SAFB2: variants seen among roughly 807,000 people sequenced by gnomAD.
SAFB2 encodes the protein scaffold attachment factor B2.
SAFB2 carries 32 observed loss-of-function variants against 100.6 expected under a neutral mutation model. That is an observed-to-expected ratio of 0.32 (90% CI 0.24 to 0.43). SAFB2 has a LOEUF of 0.43. Ranked by LOEUF, SAFB2 falls within the 20% of genes least tolerant of loss-of-function variation. The pLI is 1.00. For synonymous variants in SAFB2, 500 were observed against 439.4 expected, an observed-to-expected ratio of 1.14 and a Z score of -1.72; for missense variants, 1,185 against 1,163.4, an observed-to-expected ratio of 1.02 and a Z score of -0.27.
rs752444798 is a variant in SAFB2, at chr19:5,613,418, C to T, written c.606+47G>A. On this transcript the variant is annotated intron_variant, in intron 5 of 20. Transcript: ENST00000252542. Reference sequence around the variant, plus strand: ...CTGCTCTTTCATTATGGAAAATCAACCACTCGATTAACATTTCCAGCGATG... The same window carrying T: ...CTGCTCTTTCATTATGGAAAATCAATCACTCGATTAACATTTCCAGCGATG... 8 of 1,507,768 alleles carry T rather than the reference C, an allele frequency of 5.3e-6. No homozygotes were observed. The South Asian group carries it at 9.2e-5, about 17-fold the overall frequency. 93.4% of individuals were successfully genotyped at this position (1,507,768 alleles called of 1,614,324 possible). A position where few individuals can be genotyped will look rare whatever the true frequency, so the allele number is the denominator to read the frequency against.
At chr19:5,597,813 T>TA (rs1337341731) in intron 13 of SAFB2, among the ~76,000 whole-genome samples, 4 of 152,250 alleles carry the variant, frequency 2.6e-5, no homozygotes, top group Non-Finnish European at 5.9e-5. Context: ...TGATACTTTA[T>TA]AAAATCCAAA....
intron 1 of SAFB2, 59 bp from the exon 2 acceptor site, chr19:5,621,455 C>T (rs1261643567): frequency 9.2e-7 from 1 of 1,089,142 alleles, no homozygotes; most frequent in Non-Finnish European, 1.4e-6. Context: ...CACACTGTTC[C>T]TTACAAGTAA....
intron 15 of SAFB2, 98 bp from the exon 16 acceptor site, chr19:5,592,985 G>C: frequency 9.1e-7 from 1 of 1,100,430 alleles, no homozygotes; most frequent in South Asian, 1.4e-5. Flanking sequence ...TCTCTCCCCA[G>C]ACCCAGTATC....
chr19:5,617,503 C>T (rs1235791467), intron 2 of SAFB2, among the ~76,000 whole-genome samples: 1 of 152,146 alleles, frequency 6.6e-6, no homozygotes, highest in Non-Finnish European at 1.5e-5. Context: ...GGATATCTGA[C>T]AAGGAGTTCA....
In SAFB2 at chr19:5,604,902, C is replaced by A; in HGVS notation, c.1331G>T (p.Ser444Ile). 7 of 1,613,830 alleles carry A rather than the reference C, an allele frequency of 4.3e-6. No individual in the cohort carries two copies. The highest frequency in any genetic ancestry group is 5.9e-6 in the Non-Finnish European group (7 of 1,180,036). The change falls in exon 10 of 21, where the codon AGC becomes ATC. Residue 444 changes from serine (S) to isoleucine (I), a missense_variant. Ser to Ile is a moderately radical substitution (Grantham distance 142). Transcript: ENST00000252542. ...GAATCCATAGCATCGAGCCCCCGGG[C>A]TGCGGGCGTTCGTTACCACTTTGGC... ...VGAKVVTNARSPGARCYGFVT... is the reference protein window; with the variant it reads ...VGAKVVTNARIPGARCYGFVT...
chr19:5,588,062 A>G (rs2052302419), intron 18 of SAFB2, 82 bp from the exon 19 acceptor site: 2 of 1,241,836 alleles, frequency 1.6e-6, no homozygotes, highest in Non-Finnish European at 2.2e-6. Flanking sequence ...CCCTGACCTC[A>G]GCTGCATGGT....
chr19:5,598,561 C>T (rs540431007), intron 13 of SAFB2: 64 of 549,704 alleles, frequency 1.2e-4, no homozygotes, highest in Middle Eastern at 4.9e-4. Context: ...TGTCTGAAGG[C>T]GGCACATCCC....
At chr19:5,622,488 C>A (rs535902135) in intron 1 of SAFB2, 42 bp downstream of exon 1, 3 of 1,496,082 alleles carry the variant, frequency 2.0e-6, no homozygotes, top group East Asian at 2.5e-5. Flanking sequence ...CGGGGGCGTG[C>A]CCGGGCCTCC....
Position 5,587,750 on chromosome 19 carries a change from A to C in SAFB2, c.2656T>G (p.Ser886Ala), listed in dbSNP as rs764818168. 2 of 1,552,614 alleles carry C rather than the reference A, an allele frequency of 1.3e-6. No individual in the cohort carries two copies. Among genetic ancestry groups the C allele is most frequent in the South Asian group, 2.4e-5 (2 of 84,154 alleles). The change falls in exon 20 of 21, where the codon TCT (serine) becomes GCT (alanine). Residue 886 changes from serine to alanine, a missense_variant. Ser to Ala is a moderately conservative substitution (Grantham distance 99, BLOSUM62 1). Transcript: ENST00000252542. The surrounding 1 kb of genome is among the most constrained non-coding windows in gnomAD (Gnocchi z 4.9). ...ATGTGCCCCGGCCCCGAGGGCCCAGACAGGCCCCTCTCGCCACCTAGAAGA... is the reference window on the plus strand; with the variant it reads ...ATGTGCCCCGGCCCCGAGGGCCCAGCCAGGCCCCTCTCGCCACCTAGAAGA... ...ARWQGGERGL[S>A]GPSGPGHMAS... is the part of the protein sequence containing the mutation.
chr19:5,598,618 C>T (rs2052584407), intron 13 of SAFB2, 175 bp downstream of exon 13: 1 of 625,188 alleles, frequency 1.6e-6, no homozygotes, highest in Non-Finnish European at 2.9e-6. Context: ...CACTGCTCTG[C>T]AGAAAGCACC....
intron 7 of SAFB2, 106 bp from the exon 8 acceptor site, chr19:5,610,794 G>A: frequency 1.2e-6 from 1 of 867,640 alleles, no homozygotes; most frequent in South Asian, 1.7e-5. Flanking sequence ...AAATTAGTCT[G>A]AAATAAAATT....
chr19:5,622,354 G>T (rs1003525335), intron 1 of SAFB2, among the ~76,000 whole-genome samples, 176 bp downstream of exon 1: 1 of 152,188 alleles, frequency 6.6e-6, no homozygotes, highest in Admixed American at 6.5e-5. Context: ...ACAGAGAGGA[G>T]CGGTGACGGG....
chr19:5,620,542 T>A (rs1189185671), intron 2 of SAFB2, among the ~76,000 whole-genome samples: 1 of 152,260 alleles, frequency 6.6e-6, no homozygotes, highest in Admixed American at 6.5e-5. Flanking sequence ...AGATGAACTT[T>A]AAGCATTATG....
intron 7 of SAFB2, 69 bp downstream of exon 7, chr19:5,611,051 C>CTTA (rs2052898900): frequency 3.7e-6 from 1 of 273,334 alleles, no homozygotes; most frequent in African/African-American, 2.5e-5. Flanking sequence ...AAAAAAACAG[C>CTTA]TTATGTGTGT....
chr19:5,591,431 A>C (rs1164103095), intron 17 of SAFB2: 6 of 236,960 alleles, frequency 2.5e-5, no homozygotes, highest in Non-Finnish European at 5.0e-5. Context: ...GGCACTCGCC[A>C]CCATGCCTGG....
rs752410545 is a variant in SAFB2, at chr19:5,604,833, T to A, written c.1400A>T (p.His467Leu). The change falls in exon 10 of 21, where the codon CAT becomes CTT. Residue 467 changes from histidine (H) to leucine (L), a missense_variant. By Grantham distance (99) the His-to-Leu change is moderately conservative (BLOSUM62 -3). This residue lies in a region of SAFB2 where 94 missense variants were observed against 135.1 expected (regional missense o/e 0.70). Transcript: ENST00000252542. ...TCCATGCAGCTCAGTTCTGTGGAGATGGCTGATGCACTTGGTCGCCTCGTC... is the reference window on the plus strand; with the variant it reads ...TCCATGCAGCTCAGTTCTGTGGAGAAGGCTGATGCACTTGGTCGCCTCGTC... ...TSDEATKCIS[H>L]LHRTELHGRM... The A allele has an allele frequency of 1.1e-5, 17 of 1,614,068 alleles. 1 individual carries two copies. The Middle Eastern group carries it at 2.3e-3, about 218-fold the overall frequency.
chr19:5,615,786 C>T (rs1161832800), intron 4 of SAFB2, among the ~76,000 whole-genome samples: 1 of 152,116 alleles, frequency 6.6e-6, no homozygotes, highest in Non-Finnish European at 1.5e-5. Context: ...GCCAATAAGC[C>T]CAGGTAGTCA....
intron 2 of SAFB2, among the ~76,000 whole-genome samples, chr19:5,620,578 C>T (rs2053119548): frequency 6.6e-6 from 1 of 152,216 alleles, no homozygotes; most frequent in Non-Finnish European, 1.5e-5. Flanking sequence ...TGCAAATGGC[C>T]ATATGTTGTA....
In SAFB2 at chr19:5,616,249, G is replaced by A. The variant is rs145240132; in HGVS notation, c.426C>T (p.Ser142=). The A allele has an allele frequency of 1.2e-6, 2 of 1,614,020 alleles. No homozygotes were observed. The highest frequency in any genetic ancestry group is 2.2e-5 in the South Asian group (2 of 91,080). The change falls in exon 4 of 21, where the codon AGC becomes AGT. Residue 142 remains serine (S), a synonymous_variant. Transcript: ENST00000252542. ...SVLDETEVAN[S]SAPDFGEDGT... ...CATCCTCCCCAAAATCTGGAGCACT[G>A]CTATTCGCCACTTCAGTTTCGTCTA... is the stretch of plus-strand genomic sequence containing the variant.
Sources: gnomAD v4.1 joint callset for allele counts (sites outside exome capture counted in the v4.1 genomes callset) on GRCh38, gnomAD v4.1.1 for gene constraint, gnomAD v4.1.1 regional missense constraint, Gnocchi (gnomAD v3.1) non-coding constraint, MANE v1.5 for transcripts, NCBI Gene and HGNC (gene_info 2026-07-23, HGNC 2026-07-21) for gene names.